The following SPHKAP variants were observed in gnomAD, a reference collection of about 807,000 sequenced individuals.
The protein encoded by SPHKAP is A-kinase anchor protein SPHKAP.
In SPHKAP, 67 loss-of-function variants were observed where a neutral mutation model predicts 137.5. The ratio of observed to expected loss-of-function variants is 0.49; its 90% CI spans 0.40 to 0.60. The LOEUF is 0.60. SPHKAP is among the 20% of genes least tolerant of loss of function. SPHKAP has a pLI of 0.00. For missense variants in SPHKAP, 2,097 were observed against 2,069.3 expected (o/e 1.01, Z -0.26); for synonymous variants, 813 against 785.3 (o/e 1.04, Z -0.59).
intron 3 of SPHKAP, among the ~76,000 whole-genome samples, chr2:228,038,801 G>A (rs553517597): frequency 1.3e-5 from 2 of 152,288 alleles, no homozygotes; most frequent in African/African-American, 2.4e-5. Flanking sequence ...GGTGACAGGT[G>A]TACAAGAAAG....
At chr2:228,180,616 G>C (rs755886356) in intron 1 of SPHKAP, among the ~76,000 whole-genome samples, 2 of 152,158 alleles carry the variant, frequency 1.3e-5, no homozygotes, top group Non-Finnish European at 2.9e-5. Flanking sequence ...GTGGGGCTGC[G>C]CCGCAGCCAG....
intron 1 of SPHKAP, among the ~76,000 whole-genome samples, chr2:228,169,327 G>A (rs952461176): frequency 4.6e-5 from 7 of 152,184 alleles, no homozygotes; most frequent in South Asian, 2.1e-4. Context: ...GTCAATGCCC[G>A]GCTTCAAAGC....
intron 1 of SPHKAP, among the ~76,000 whole-genome samples, chr2:228,150,986 G>T (rs1281831283): frequency 6.6e-6 from 1 of 151,760 alleles, no homozygotes; most frequent in Non-Finnish European, 1.5e-5. Context: ...ACAATGTGCA[G>T]GTTAGTTTCA....
intron 3 of SPHKAP, among the ~76,000 whole-genome samples, chr2:228,028,746 A>C (rs980381280): frequency 3.9e-5 from 6 of 152,170 alleles, no homozygotes; most frequent in Non-Finnish European, 8.8e-5. Flanking sequence ...AGACTTGTCT[A>C]AGTATAGTCT....
intron 3 of SPHKAP, among the ~76,000 whole-genome samples, chr2:228,082,497 G>A (rs949031879): frequency 6.6e-6 from 1 of 152,136 alleles, no homozygotes; most frequent in African/African-American, 2.4e-5. Flanking sequence ...AAAATTCTCA[G>A]GAAGGCATCT....
At chr2:228,004,836 C>G (rs553791378) in intron 7 of SPHKAP, among the ~76,000 whole-genome samples, 14 of 152,132 alleles carry the variant, frequency 9.2e-5, no homozygotes, top group Admixed American at 5.2e-4. Flanking sequence ...TTCAGTAGCA[C>G]GTTGTTCAGT....
intron 1 of SPHKAP, among the ~76,000 whole-genome samples, chr2:228,154,532 ATTTTTTTTTTTTTTTTTTTTTTTT>A (rs1168623467): frequency 3.4e-4 from 10 of 29,406 alleles, no homozygotes; most frequent in South Asian, 1.9e-3. Flanking sequence ...ATATATATAT[ATTTTTTTTTTTTTTTTTTTTTTTT>A]TTTTTTTTTT....
chr2:228,155,224 A>G (rs1455006199), intron 1 of SPHKAP, among the ~76,000 whole-genome samples: 3 of 144,754 alleles, frequency 2.1e-5, no homozygotes, highest in African/African-American at 7.5e-5. Flanking sequence ...ACCATTGTTC[A>G]TTTTTTTTTT....
intron 7 of SPHKAP, among the ~76,000 whole-genome samples, chr2:228,006,176 C>T (rs1333270121): frequency 6.6e-6 from 1 of 152,172 alleles, no homozygotes. Context: ...TTCAGGTACA[C>T]CAATCCGATG....
At chr2:228,165,235 G>C (rs1017149764) in intron 1 of SPHKAP, among the ~76,000 whole-genome samples, 1 of 151,732 alleles carries the variant, frequency 6.6e-6, no homozygotes, top group Non-Finnish European at 1.5e-5. Flanking sequence ...TGTCAGACTA[G>C]ACATGTATCC....
At chr2:228,089,250 T>A (rs547033512) in intron 3 of SPHKAP, among the ~76,000 whole-genome samples, 2 of 152,238 alleles carry the variant, frequency 1.3e-5, no homozygotes, top group African/African-American at 2.4e-5. Context: ...AGCAAAGAAC[T>A]TGGCTGCATT....
chr2:228,145,157 G>A (rs574239233), intron 1 of SPHKAP, among the ~76,000 whole-genome samples: 2 of 152,282 alleles, frequency 1.3e-5, no homozygotes, highest in East Asian at 3.9e-4. Flanking sequence ...CTTGGAGCCG[G>A]CTGGATAGTT....
At chr2:228,154,510 C>CTATATATATATATATATATA (rs1255951798) in intron 1 of SPHKAP, among the ~76,000 whole-genome samples, 7 of 37,524 alleles carry the variant, frequency 1.9e-4, no homozygotes, top group Admixed American at 5.2e-4. Context: ...CTCTCTCTCT[C>CTATATATATATATATATATA]TCTATATATA....
chr2:228,138,286 A>C (rs1201665395), intron 1 of SPHKAP, among the ~76,000 whole-genome samples: 1 of 152,126 alleles, frequency 6.6e-6, no homozygotes, highest in Admixed American at 6.6e-5. Context: ...GTGGGGTATA[A>C]ATTTCCACTC....
intron 5 of SPHKAP, among the ~76,000 whole-genome samples, chr2:228,024,246 A>G (rs1176338021): frequency 6.6e-6 from 1 of 152,154 alleles, no homozygotes; most frequent in African/African-American, 2.4e-5. Flanking sequence ...TAATGTCAAT[A>G]CCAATTTTCA....
intron 1 of SPHKAP, among the ~76,000 whole-genome samples, chr2:228,170,027 T>G (rs1700537726): frequency 6.6e-6 from 1 of 151,996 alleles, no homozygotes; most frequent in Non-Finnish European, 1.5e-5. Context: ...TGGAAGATGT[T>G]GATTTCAACT....
chr2:228,081,886 C>G (rs1289561696), intron 3 of SPHKAP, among the ~76,000 whole-genome samples: 1 of 152,088 alleles, frequency 6.6e-6, no homozygotes, highest in African/African-American at 2.4e-5. Context: ...AAGATGATGA[C>G]TGTAGTTAAT....
intron 1 of SPHKAP, among the ~76,000 whole-genome samples, chr2:228,179,665 G>A (rs1164266256): frequency 6.6e-6 from 1 of 152,200 alleles, no homozygotes; most frequent in Non-Finnish European, 1.5e-5. Flanking sequence ...TTAGTTTGCT[G>A]CAGCTGATAT....
At chr2:228,089,707 TC>T (rs1357553268) in intron 3 of SPHKAP, among the ~76,000 whole-genome samples, 1 of 152,076 alleles carries the variant, frequency 6.6e-6, no homozygotes, top group Non-Finnish European at 1.5e-5. Context: ...AGAATACTGC[TC>T]CCTACATCCC....
Sources: allele counts gnomAD v4.1 joint callset (sites outside exome capture counted in the v4.1 genomes callset), GRCh38; gene constraint gnomAD v4.1.1; transcripts MANE v1.5; gene names NCBI Gene and HGNC (gene_info 2026-07-23, HGNC 2026-07-21).